The following ILRUN variants were observed in gnomAD, a reference collection of about 807,000 sequenced individuals.
ILRUN encodes the protein protein ILRUN.
In ILRUN, 3 loss-of-function variants were observed where a neutral mutation model predicts 33.8. The observed-to-expected ratio is 0.09, with a 90% CI of 0.04 to 0.23. The LOEUF (loss-of-function observed/expected upper bound fraction) is 0.23. Among genes scored for constraint, ILRUN ranks in the 10% least tolerant of loss-of-function variants. ILRUN has a pLI of 1.00. For synonymous variants in ILRUN, 124 were observed against 138.9 expected (o/e 0.89, Z 0.75); for missense variants, 210 against 375.1 (o/e 0.56, Z 3.64).
At chr6:34,619,028 G>A (rs1055396595) in intron 3 of ILRUN, among the ~76,000 whole-genome samples, 1 of 152,156 alleles carries the variant, frequency 6.6e-6, no homozygotes, top group African/African-American at 2.4e-5. Flanking sequence ...ACCATTGGAT[G>A]TAGCAACACA....
At chr6:34,614,680 A>T (rs978999210) in intron 3 of ILRUN, among the ~76,000 whole-genome samples, 1 of 151,508 alleles carries the variant, frequency 6.6e-6, no homozygotes, top group Non-Finnish European at 1.5e-5. Context: ...TAGCCTTGTG[A>T]TTCGCTTCCA....
At chr6:34,670,885 G>C (rs546819681) in intron 1 of ILRUN, among the ~76,000 whole-genome samples, 69 of 148,686 alleles carry the variant, frequency 4.6e-4, no homozygotes, top group Non-Finnish European at 8.9e-4. Context: ...AAGGAGAAAT[G>C]ATATACACAC....
intron 3 of ILRUN, chr6:34,617,063 A>G (rs1472002473): frequency 1.9e-6 from 1 of 529,526 alleles, no homozygotes; most frequent in Non-Finnish European, 3.7e-6. Flanking sequence ...TAAATATGGC[A>G]TCACCTGCAT....
intron 2 of ILRUN, among the ~76,000 whole-genome samples, chr6:34,652,343 TAACTGTTAC>T (rs1257363997): frequency 1.3e-5 from 2 of 152,152 alleles, no homozygotes; most frequent in Admixed American, 1.3e-4. Context: ...CTGTTATAAC[TAACTGTTAC>T]AACTAAAAAG....
chr6:34,676,358 G>A (rs1191048132), intron 1 of ILRUN, among the ~76,000 whole-genome samples: 1 of 149,866 alleles, frequency 6.7e-6, no homozygotes, highest in African/African-American at 2.5e-5. Flanking sequence ...ATGATTCTAG[G>A]ACTGTACTCT....
chr6:34,667,257 C>A (rs1562025168), intron 1 of ILRUN, among the ~76,000 whole-genome samples: 1 of 152,146 alleles, frequency 6.6e-6, no homozygotes, highest in Non-Finnish European at 1.5e-5. Context: ...TTTCTCAATA[C>A]CCCCTTTTTT....
At chr6:34,614,178 C>T (rs373320073) in intron 3 of ILRUN, among the ~76,000 whole-genome samples, 44 of 151,960 alleles carry the variant, frequency 2.9e-4, no homozygotes, top group African/African-American at 1.1e-3. Context: ...ATCCTTGCAC[C>T]GTGGGAGGCC....
At chr6:34,667,808 T>C (rs931122750) in intron 1 of ILRUN, among the ~76,000 whole-genome samples, 8 of 152,120 alleles carry the variant, frequency 5.3e-5, no homozygotes, top group Non-Finnish European at 1.0e-4. Flanking sequence ...AATGTCAATG[T>C]CATAGAATAC....
intron 3 of ILRUN, among the ~76,000 whole-genome samples, chr6:34,609,493 A>C (rs1296177856): frequency 1.1e-4 from 16 of 152,248 alleles, no homozygotes; most frequent in Admixed American, 1.0e-3. Context: ...CTATCTCAAA[A>C]AAAAAAGGTG....
chr6:34,693,616 G>A (rs1266162930), intron 1 of ILRUN, among the ~76,000 whole-genome samples: 7 of 151,380 alleles, frequency 4.6e-5, no homozygotes, highest in Non-Finnish European at 1.0e-4. Flanking sequence ...GCTACTCCAT[G>A]GCTTTGAGCA....
chr6:34,672,118 T>G lies in ILRUN; in HGVS notation c.159-17339A>C, dbSNP rs924882201. Among the ~76,000 whole-genome samples the G allele has an allele frequency of 3.3e-5, 5 of 151,984 alleles. No homozygotes were observed. The South Asian group carries it at 6.2e-4, about 19-fold the overall frequency. ...CCATAGCTTCCACCCCCTTTTTTTTTTTGAGATGGAGTCTCGCTCTGTCGT... is the reference window on the plus strand; with the variant it reads ...CCATAGCTTCCACCCCCTTTTTTTTGTTGAGATGGAGTCTCGCTCTGTCGT... On this transcript the variant is annotated intron_variant, in intron 1 of 4. Coordinates refer to ENST00000374023, the MANE Select transcript of ILRUN (RefSeq NM_024294.4).
intron 1 of ILRUN, among the ~76,000 whole-genome samples, chr6:34,683,419 C>CATATATACAT (rs1554189814): frequency 2.5e-5 from 2 of 78,576 alleles, no homozygotes; most frequent in East Asian, 3.1e-4. Flanking sequence ...TATATATATA[C>CATATATACAT]ATATATATAC....
At chr6:34,653,970 C>CAAAAA (rs34498804) in intron 2 of ILRUN, among the ~76,000 whole-genome samples, 1 of 81,076 alleles carries the variant, frequency 1.2e-5, no homozygotes, top group Admixed American at 1.3e-4. Context: ...GATGCTGTCT[C>CAAAAA]AAAAAAAAAA....
At chr6:34,649,456 G>A (rs148951676) in intron 2 of ILRUN, among the ~76,000 whole-genome samples, 144 of 152,160 alleles carry the variant, frequency 9.5e-4, no homozygotes, top group Middle Eastern at 6.8e-3. Context: ...GTTTTATGAC[G>A]TTCCTAGTTA....
In ILRUN at chr6:34,637,921, C is replaced by G. The variant is rs552662527; in HGVS notation, c.511+8680G>C. On this transcript the variant is annotated intron_variant, in intron 3 of 4. Transcript: ENST00000374023. ...GTTGTTGTTGAAACTGGGTCTCACT[C>G]TGTCACCCAGGTTGGAGTGCAGTGG... Among the ~76,000 whole-genome samples, 4 of 149,620 alleles carry G rather than the reference C, an allele frequency of 2.7e-5. 1 individual carries two copies. In the South Asian group the frequency reaches 8.5e-4, roughly 32 times the overall value.
intron 3 of ILRUN, among the ~76,000 whole-genome samples, chr6:34,630,186 C>T (rs1293324380): frequency 6.6e-6 from 1 of 152,116 alleles, no homozygotes; most frequent in Non-Finnish European, 1.5e-5. Flanking sequence ...ATATGCTAGA[C>T]AAAGGGATGA....
chr6:34,611,982 A>T (rs1242907603), intron 3 of ILRUN, among the ~76,000 whole-genome samples: 4 of 152,200 alleles, frequency 2.6e-5, no homozygotes, highest in Non-Finnish European at 5.9e-5. Context: ...CTTTGGCACC[A>T]ACAGGAAGAA....
chr6:34,666,489 A>C (rs1763008408), intron 1 of ILRUN, among the ~76,000 whole-genome samples: 1 of 152,170 alleles, frequency 6.6e-6, no homozygotes, highest in Admixed American at 6.5e-5. Context: ...TGAACCCGGG[A>C]GGCAGAGGTT....
At chr6:34,689,279 T>C (rs1465184324) in intron 1 of ILRUN, among the ~76,000 whole-genome samples, 1 of 149,088 alleles carries the variant, frequency 6.7e-6, no homozygotes, top group Non-Finnish European at 1.5e-5. Flanking sequence ...GGCCGTAGTG[T>C]GCTACATGAT....
Sources: allele counts gnomAD v4.1 joint callset (sites outside exome capture counted in the v4.1 genomes callset), GRCh38; gene constraint gnomAD v4.1.1; transcripts MANE v1.5; gene names NCBI Gene and HGNC (gene_info 2026-07-23, HGNC 2026-07-21).